CNBD1: variants seen among roughly 807,000 people sequenced by gnomAD.
The protein encoded by CNBD1 is cyclic nucleotide-binding domain-containing protein 1.
A neutral mutation model predicts 54.4 loss-of-function variants in CNBD1; 71 were observed. That is an observed-to-expected ratio of 1.30 (90% CI 1.08 to 1.59). CNBD1 has a LOEUF of 1.59. Ranked by LOEUF, CNBD1 falls within the 40% of genes most tolerant of loss-of-function variation. CNBD1 has a pLI of 0.00. For missense variants in CNBD1, 659 were observed against 518.0 expected, an observed-to-expected ratio of 1.27 and a Z score of -2.64; for synonymous variants, 182 against 170.7, an observed-to-expected ratio of 1.07 and a Z score of -0.51.
intron 4 of CNBD1, among the ~76,000 whole-genome samples, chr8:86,983,667 A>G (rs778110521): frequency 3.3e-5 from 5 of 152,208 alleles, no homozygotes; most frequent in Non-Finnish European, 5.9e-5. Flanking sequence ...ATGTTTTAGC[A>G]AAGAGACTGG....
At chr8:87,068,334 T>C (rs1297325138) in intron 4 of CNBD1, among the ~76,000 whole-genome samples, 1 of 151,880 alleles carries the variant, frequency 6.6e-6, no homozygotes, top group Admixed American at 6.6e-5. Flanking sequence ...ATGGTAAAAA[T>C]ACTGTTTTGT....
chr8:86,942,571 C>A (rs1563831118), intron 4 of CNBD1, among the ~76,000 whole-genome samples: 2 of 152,222 alleles, frequency 1.3e-5, no homozygotes, highest in Non-Finnish European at 2.9e-5. Flanking sequence ...TGCCATGTGG[C>A]ACTTTCTCAA....
At chr8:87,366,642 T>C (rs914371206) in intron 10 of CNBD1, among the ~76,000 whole-genome samples, 1 of 152,082 alleles carries the variant, frequency 6.6e-6, no homozygotes, top group Non-Finnish European at 1.5e-5. Context: ...AGTAACACCA[T>C]GGGCTGAAGG....
In CNBD1 at chr8:87,352,027, G is replaced by A. The variant is rs187105106; in HGVS notation, c.1152+233G>A. 3.1e-3 allele frequency among the ~76,000 whole-genome samples: 472 copies of A among 152,234 alleles called. 2 individuals are homozygous for A. Among genetic ancestry groups the A allele is most frequent in the African/African-American group, 0.011 (446 of 41,538 alleles). Reference sequence around the variant, plus strand: ...ATGATCAATGAACACAGTAAAATATGCTTCACGTTCTTATTCATTAGAGAA... The same window carrying A: ...ATGATCAATGAACACAGTAAAATATACTTCACGTTCTTATTCATTAGAGAA... On this transcript the variant is annotated intron_variant, in intron 9 of 10. Coordinates refer to ENST00000518476, the MANE Select transcript of CNBD1 (RefSeq NM_173538.3).
intron 6 of CNBD1, among the ~76,000 whole-genome samples, chr8:87,257,387 G>GAAAAAAAAAAAAA (rs1554573274): frequency 6.5e-5 from 7 of 107,044 alleles, no homozygotes; most frequent in Middle Eastern, 4.9e-3. Context: ...AAAAAAAAAG[G>GAAAAAAAAAAAAA]AAATGACAAT....
intron 3 of CNBD1, among the ~76,000 whole-genome samples, chr8:86,936,939 T>G (rs553929555): frequency 3.6e-4 from 55 of 152,308 alleles, no homozygotes; most frequent in African/African-American, 1.3e-3. Flanking sequence ...AAAATTTATA[T>G]AAACTCTTTT....
chr8:87,167,679 A>G (rs1812993917), intron 4 of CNBD1, among the ~76,000 whole-genome samples: 1 of 151,956 alleles, frequency 6.6e-6, no homozygotes, highest in South Asian at 2.1e-4. Flanking sequence ...TGGATAATGC[A>G]GGGCTTTATA....
chr8:86,940,126 A>G (rs1247464244), intron 4 of CNBD1, among the ~76,000 whole-genome samples: 3 of 52,762 alleles, frequency 5.7e-5, no homozygotes, highest in Non-Finnish European at 9.7e-5. Context: ...AACTTACCAC[A>G]TGTTACTTTT....
At chr8:87,167,747 A>G (rs1812995182) in intron 4 of CNBD1, among the ~76,000 whole-genome samples, 1 of 151,954 alleles carries the variant, frequency 6.6e-6, no homozygotes, top group African/African-American at 2.4e-5. Context: ...TTCCACTTGG[A>G]TCAAAATATG....
rs117177416 is a variant in CNBD1, at chr8:87,000,431, G to A, written c.431+60677G>A. Among the ~76,000 whole-genome samples the A allele has an allele frequency of 1.6e-3, 248 of 152,242 alleles. 1 individual carries two copies. In the East Asian group the frequency reaches 0.031, roughly 19 times the overall value. On this transcript the variant is annotated intron_variant, in intron 4 of 10. Coordinates refer to ENST00000518476, the MANE Select transcript of CNBD1 (RefSeq NM_173538.3). ...TGGATGTTACTTTATAGCAGTGTGA[G>A]AACAGACTCTAATACAAGTATGGTC...
chr8:87,101,718 T>C (rs1023658566), intron 4 of CNBD1, among the ~76,000 whole-genome samples: 4 of 152,054 alleles, frequency 2.6e-5, no homozygotes, highest in African/African-American at 9.7e-5. Flanking sequence ...TTTATAGAGA[T>C]AGAATGTATG....
At chr8:87,205,956 C>A in intron 4 of CNBD1, 37 bp from the exon 5 acceptor site, 2 of 1,422,344 alleles carry the variant, frequency 1.4e-6, no homozygotes, top group Admixed American at 3.1e-5. Context: ...GCATTTATGC[C>A]ATGGTCTCTG....
intron 4 of CNBD1, among the ~76,000 whole-genome samples, chr8:86,989,238 G>A (rs529625825): frequency 2.0e-5 from 3 of 152,130 alleles, no homozygotes; most frequent in African/African-American, 7.2e-5. Flanking sequence ...AGGCTGCAGT[G>A]AGCTGCGATC....
intron 4 of CNBD1, among the ~76,000 whole-genome samples, chr8:87,051,662 C>T (rs1195151988): frequency 6.6e-6 from 1 of 152,174 alleles, no homozygotes; most frequent in Non-Finnish European, 1.5e-5. Context: ...AGGAGCATGT[C>T]CTTAAGGCAC....
At chr8:86,959,215 T>C (rs187588060) in intron 4 of CNBD1, among the ~76,000 whole-genome samples, 2,817 of 152,342 alleles carry the variant, frequency 0.018, 82 homozygotes, top group African/African-American at 0.062. Flanking sequence ...TGCCAAGAGA[T>C]CCACTGTTAG....
chr8:87,079,234 A>AT (rs1027196195), intron 4 of CNBD1, among the ~76,000 whole-genome samples: 2 of 151,792 alleles, frequency 1.3e-5, no homozygotes, highest in East Asian at 1.9e-4. Context: ...TGATAATACA[A>AT]TTTTTTTTCA....
intron 8 of CNBD1, among the ~76,000 whole-genome samples, chr8:87,338,563 A>G (rs1434115916): frequency 6.7e-6 from 1 of 149,314 alleles, no homozygotes; most frequent in East Asian, 2.0e-4. Flanking sequence ...GTCAGATGTA[A>G]TTCTCCTCTA....
chr8:87,176,796 T>A (rs1446550797), intron 4 of CNBD1, among the ~76,000 whole-genome samples: 1 of 152,162 alleles, frequency 6.6e-6, no homozygotes, highest in Admixed American at 6.5e-5. Flanking sequence ...GCTTTGCTAG[T>A]ATTTTTAATA....
At chr8:87,106,613 A>G (rs763458262) in intron 4 of CNBD1, among the ~76,000 whole-genome samples, 1 of 152,152 alleles carries the variant, frequency 6.6e-6, no homozygotes, top group Non-Finnish European at 1.5e-5. Context: ...CACTATTTTA[A>G]TTAAACTTCT....
Sources: allele counts gnomAD v4.1 joint callset (sites outside exome capture counted in the v4.1 genomes callset), GRCh38; gene constraint gnomAD v4.1.1; transcripts MANE v1.5; gene names NCBI Gene and HGNC (gene_info 2026-07-23, HGNC 2026-07-21).